The following RSPO4 variants were observed in gnomAD, a reference collection of about 807,000 sequenced individuals.
RSPO4 encodes R-spondin 4.
A neutral mutation model predicts 24.8 loss-of-function variants in RSPO4; 23 were observed. The observed-to-expected ratio is 0.93, with a 90% CI of 0.67 to 1.31. The LOEUF is 1.31. RSPO4 is among the 40% of genes most tolerant of loss of function. The probability of loss-of-function intolerance (pLI) is 0.00; values close to 1 mark genes in which losing one functional copy is unlikely to be tolerated. For missense variants in RSPO4, 333 were observed against 316.5 expected, an observed-to-expected ratio of 1.05 and a Z score of -0.39; for synonymous variants, 141 against 127.4, an observed-to-expected ratio of 1.11 and a Z score of -0.72.
At chr20:977,507 A>T (rs576779569) in intron 1 of RSPO4, among the ~76,000 whole-genome samples, 62 of 152,270 alleles carry the variant, frequency 4.1e-4, no homozygotes, top group African/African-American at 9.9e-4. Flanking sequence ...TCTCCATGAC[A>T]TCACTGTTAC....
At chr20:985,798 G>A (rs1023864653) in intron 1 of RSPO4, among the ~76,000 whole-genome samples, 1 of 152,210 alleles carries the variant, frequency 6.6e-6, no homozygotes, top group South Asian at 2.1e-4. Context: ...GGTAGGGCAC[G>A]GCATGCCCCC....
chr20:992,074 C>A (rs565908090), intron 1 of RSPO4, among the ~76,000 whole-genome samples: 8 of 152,134 alleles, frequency 5.3e-5, no homozygotes, highest in African/African-American at 1.9e-4. Context: ...GCATCTGATT[C>A]GGTTTTTCCA....
In RSPO4 at chr20:964,038, C is replaced by T. The variant is rs781423079; in HGVS notation, c.492G>A (p.Glu164=). 1.6e-5 allele frequency: 26 copies of T among 1,613,624 alleles called. No individual in the cohort carries two copies. The South Asian group carries it at 2.7e-4, about 17-fold the overall frequency. Residue 164 remains glutamate, a synonymous_variant, in exon 4 of 5, where the codon GAG becomes GAA. Transcript: ENST00000217260. ...GKTCGSAWGL[E]SRVREAGRAG... ...CCCGGCCAGCCTCTCGTACCCGGCTCTCCAGGCCCCAAGCCGAGCCGCAGG... is the reference window on the plus strand; with the variant it reads ...CCCGGCCAGCCTCTCGTACCCGGCTTTCCAGGCCCCAAGCCGAGCCGCAGG...
chr20:961,777 C>T (rs1600086684), intron 4 of RSPO4, among the ~76,000 whole-genome samples: 1 of 152,000 alleles, frequency 6.6e-6, no homozygotes, highest in African/African-American at 2.4e-5. Flanking sequence ...ATCCAGTCAC[C>T]CACCCATCCC....
chr20:960,615 G>A (rs1326683204), intron 4 of RSPO4, 149 bp from the exon 5 acceptor site: 10 of 692,300 alleles, frequency 1.4e-5, no homozygotes, highest in South Asian at 1.1e-4. Flanking sequence ...AGTCCCTCCT[G>A]TTGAGAGTTT....
chr20:964,797 TAC>T (rs1311803399), intron 3 of RSPO4, among the ~76,000 whole-genome samples: 2 of 101,040 alleles, frequency 2.0e-5, no homozygotes, highest in Non-Finnish European at 3.9e-5. Context: ...TACACATATA[TAC>T]ACACATACAC....
Position 1,002,172 on chromosome 20 carries a change from G to A in RSPO4, c.-8C>T. On this transcript the variant is annotated 5_prime_UTR_variant, in exon 1 of 5. Transcript: ENST00000217260. The surrounding 1 kb of genome is among the most constrained non-coding windows in gnomAD (Gnocchi z 4.6). ...GCAGAGTGGCGCCCGCATCTGGGCA[G>A]CCGGATCCGGGCTGGCGCTCCCCAG... is the stretch of plus-strand genomic sequence containing the variant. 1 of 1,536,292 alleles carries A rather than the reference G, an allele frequency of 6.5e-7. No individual in the cohort carries two copies. The highest frequency in any genetic ancestry group is 8.8e-7 in the Non-Finnish European group (1 of 1,142,104).
At chr20:974,840 G>A (rs1984513197) in intron 1 of RSPO4, among the ~76,000 whole-genome samples, 1 of 152,152 alleles carries the variant, frequency 6.6e-6, no homozygotes, top group Admixed American at 6.5e-5. Flanking sequence ...GATCCACCCT[G>A]GGGATCCATA....
intron 1 of RSPO4, among the ~76,000 whole-genome samples, chr20:979,325 G>A (rs184037827): frequency 9.3e-4 from 142 of 152,092 alleles, no homozygotes; most frequent in African/African-American, 3.4e-3. Flanking sequence ...ACATTCACCC[G>A]CAAGGCTCCC....
intron 1 of RSPO4, among the ~76,000 whole-genome samples, chr20:1,000,022 C>T (rs893955495): frequency 6.6e-6 from 1 of 152,044 alleles, no homozygotes; most frequent in East Asian, 1.9e-4. Context: ...GCGCCCGCCA[C>T]CACACCCAGC....
chr20:988,836 C>T (rs983663189), intron 1 of RSPO4, among the ~76,000 whole-genome samples: 1 of 152,186 alleles, frequency 6.6e-6, no homozygotes, highest in East Asian at 1.9e-4. Context: ...CAGGCGAGAG[C>T]CACTGCGCCC....
intron 2 of RSPO4, among the ~76,000 whole-genome samples, chr20:967,646 T>C (rs139072831): frequency 7.2e-5 from 11 of 152,326 alleles, no homozygotes; most frequent in Admixed American, 2.6e-4. Flanking sequence ...AAATTAGAGC[T>C]TGGAATTAGG....
chr20:999,464 C>A (rs112138556), intron 1 of RSPO4, among the ~76,000 whole-genome samples: 50 of 152,302 alleles, frequency 3.3e-4, no homozygotes, highest in Middle Eastern at 3.4e-3. Context: ...TAGCTCTGGT[C>A]CCCACTGCAG....
chr20:969,397 C>T (rs1310475938), intron 1 of RSPO4, among the ~76,000 whole-genome samples: 3 of 152,336 alleles, frequency 2.0e-5, no homozygotes, highest in Admixed American at 6.5e-5. Flanking sequence ...ACCCTGCCAA[C>T]GAAGTGAGGA....
intron 1 of RSPO4, among the ~76,000 whole-genome samples, chr20:983,154 G>C (rs1984794081): frequency 6.6e-6 from 1 of 152,206 alleles, no homozygotes; most frequent in Non-Finnish European, 1.5e-5. Flanking sequence ...TCACTTTTTT[G>C]TGAAGTCCTG....
intron 1 of RSPO4, among the ~76,000 whole-genome samples, chr20:998,212 G>A (rs189064521): frequency 2.2e-4 from 34 of 152,264 alleles, no homozygotes; most frequent in Admixed American, 7.8e-4. Flanking sequence ...CCATGTGAAT[G>A]TGGGGGTCCC....
In RSPO4 at chr20:968,120, C is replaced by A; in HGVS notation, c.98G>T (p.Gly33Val). The A allele has an allele frequency of 6.2e-7, 1 of 1,613,862 alleles. No homozygotes were observed. The highest frequency in any genetic ancestry group is 8.5e-7 in the Non-Finnish European group (1 of 1,179,918). Residue 33 changes from glycine (G) to valine (V), a missense_variant, in exon 2 of 5, where the codon GGC becomes GTC. Coordinates refer to ENST00000217260, the MANE Select transcript of RSPO4 (RefSeq NM_001029871.4). The stretch of plus-strand genomic sequence containing the variant: ...GCAGATGATACAGCCTGTGCAGTTG[C>A]CCCCCAGGCCAGTGCCCACTGCCCA... ...RKKQVGTGLGGNCTGCIICSE... is the reference protein window; with the variant it reads ...RKKQVGTGLGVNCTGCIICSE...
Position 1,002,019 on chromosome 20 carries a change from C to T in RSPO4, c.79+67G>A. 2 of 1,390,228 alleles carry T rather than the reference C, an allele frequency of 1.4e-6. No homozygotes were observed. The highest frequency in any genetic ancestry group is 9.9e-7 in the Non-Finnish European group (1 of 1,009,616). 86.1% of individuals were successfully genotyped at this position (1,390,228 alleles called of 1,614,324 possible). On this transcript the variant is annotated intron_variant, in intron 1 of 4. Coordinates refer to ENST00000217260, the MANE Select transcript of RSPO4 (RefSeq NM_001029871.4). This position sits in a 1 kb window ranked among gnomAD's most constrained non-coding sequence, Gnocchi z 4.6. ...CAGATGCCCCCAGAGCCGCCGCCCC[C>T]GGTCCTCCGGCCCCCGGTCTGCCCC...
At chr20:968,185 T>C (rs1215085031) in intron 1 of RSPO4, 47 bp from the exon 2 acceptor site, 1 of 1,567,012 alleles carries the variant, frequency 6.4e-7, no homozygotes, top group South Asian at 1.1e-5. Context: ...GAGAGAGAGA[T>C]GGTCAAACCA....
Sources: allele counts gnomAD v4.1 joint callset (sites outside exome capture counted in the v4.1 genomes callset), GRCh38; gene constraint gnomAD v4.1.1; non-coding constraint Gnocchi (gnomAD v3.1); transcripts MANE v1.5; gene names NCBI Gene and HGNC (gene_info 2026-07-23, HGNC 2026-07-21).